Variants in AGTPBP1 observed in about 807,000 individuals in gnomAD.
AGTPBP1 encodes ATP/GTP binding carboxypeptidase 1.
AGTPBP1 carries 70 observed loss-of-function variants against 143.9 expected under a neutral mutation model. That is an observed-to-expected ratio of 0.49 (90% confidence interval 0.40 to 0.59). The LOEUF (loss-of-function observed/expected upper bound fraction) is 0.59. Ranked by LOEUF, AGTPBP1 falls within the 20% of genes least tolerant of loss-of-function variation. AGTPBP1 has a pLI of 0.00. For missense variants in AGTPBP1, 1,229 were observed against 1,464.5 expected (o/e 0.84, Z 2.62); for synonymous variants, 463 against 500.2 (o/e 0.93, Z 0.99).
chr9:85,586,909 TG>T lies in AGTPBP1; in HGVS notation c.2954del (p.Pro985GlnfsTer22), dbSNP rs1284103308. Reference sequence around the variant, plus strand: ...AAATTGTAGGATGTAAATCCGGACTTGGACTTTGCCACTGCCTATTCAAATC... The same window carrying T: ...AAATTGTAGGATGTAAATCCGGACTTGACTTTGCCACTGCCTATTCAAATC... Reference protein sequence around the residue: ...GEDLNRQWQSPSPDLHPTIYH... With the variant: ...GEDLNRQWQSXSPDLHPTIYH... On this transcript the variant is annotated frameshift_variant, in exon 22 of 26. Coordinates refer to ENST00000357081, the MANE Select transcript of AGTPBP1 (RefSeq NM_001330701.2). LOFTEE classifies it high-confidence loss of function. 1 of 1,614,078 alleles carries T rather than the reference TG, an allele frequency of 6.2e-7. No individual in the cohort carries two copies. Among genetic ancestry groups the T allele is most frequent in the Non-Finnish European group, 8.5e-7 (1 of 1,179,962 alleles).
the AGTPBP1 span, among the ~76,000 whole-genome samples, chr9:85,775,609 G>A: frequency 1.0e-4 from 15 of 148,426 alleles, 1 homozygote; most frequent in South Asian, 1.7e-3. Flanking sequence ...TAAATATAAA[G>A]GGGAGTTTAT....
intron 6 of AGTPBP1, 132 bp downstream of exon 6, chr9:85,677,304 T>C (rs575524019): frequency 7.5e-6 from 6 of 797,386 alleles, no homozygotes; most frequent in African/African-American, 1.8e-5. Context: ...CCCATAAACA[T>C]GTACAATTAT....
chr9:85,802,271 A>G, the AGTPBP1 span, among the ~76,000 whole-genome samples: 2 of 152,112 alleles, frequency 1.3e-5, no homozygotes, highest in South Asian at 4.1e-4. Flanking sequence ...CTCCTCTCAT[A>G]GCTTTACTTC....
Position 85,592,464 on chromosome 9 carries a change from T to C in AGTPBP1, c.2568+96A>G, listed in dbSNP as rs1367053930. The C allele has an allele frequency of 1.6e-5, 13 of 817,850 alleles. No individual in the cohort carries two copies. The Middle Eastern group carries it at 1.9e-3, about 121-fold the overall frequency. The allele number at this position is 817,850 out of a possible 1,614,324, so 50.7% of individuals were successfully genotyped here. ...AGAATATTTAACTAAACTCAATTAT[T>C]ATCATTATCCTTATGTTAGAATATT... is the stretch of plus-strand genomic sequence containing the variant. On this transcript the variant is annotated intron_variant, in intron 19 of 25. Coordinates refer to ENST00000357081, the MANE Select transcript of AGTPBP1 (RefSeq NM_001330701.2).
intron 3 of AGTPBP1, among the ~76,000 whole-genome samples, chr9:85,682,044 G>A (rs556960700): frequency 2.0e-5 from 3 of 151,466 alleles, no homozygotes; most frequent in African/African-American, 2.4e-5. Context: ...CACCATGCCC[G>A]ACCTGTATTA....
At chr9:85,782,298 G>A in the AGTPBP1 span, among the ~76,000 whole-genome samples, 7 of 152,206 alleles carry the variant, frequency 4.6e-5, no homozygotes, top group South Asian at 4.2e-4. Flanking sequence ...GTGGATCACC[G>A]GAGGGTAGGA....
At chr9:85,574,420 T>C (rs1827759228) in intron 25 of AGTPBP1, among the ~76,000 whole-genome samples, 2 of 145,316 alleles carry the variant, frequency 1.4e-5, no homozygotes, top group African/African-American at 5.2e-5. Flanking sequence ...TATTGTCCTA[T>C]GACCCTGCCA....
chr9:85,584,717 A>T (rs906392478), intron 23 of AGTPBP1, among the ~76,000 whole-genome samples: 1 of 152,184 alleles, frequency 6.6e-6, no homozygotes, highest in African/African-American at 2.4e-5. Context: ...TCAATGATCA[A>T]CTGGGGGCAG....
At position 85,718,926 on chromosome 9, in the gene AGTPBP1, A is replaced by C. The variant is rs561092455; in HGVS notation, c.-33-6360T>G. 5.3e-5 allele frequency among the ~76,000 whole-genome samples: 8 copies of C among 152,252 alleles called. No individual in the cohort carries two copies. The South Asian group carries it at 1.5e-3, about 28-fold the overall frequency. On this transcript the variant is annotated intron_variant, in intron 1 of 25. Transcript: ENST00000357081. Reference sequence around the variant, plus strand: ...CCCAACACCATTTATTAAATAGGGAATCCTTTCCCCATTGCTTGTTTTTGT... The same window carrying C: ...CCCAACACCATTTATTAAATAGGGACTCCTTTCCCCATTGCTTGTTTTTGT...
intron 12 of AGTPBP1, among the ~76,000 whole-genome samples, chr9:85,644,368 A>G (rs983287764): frequency 6.6e-6 from 1 of 151,830 alleles, no homozygotes; most frequent in Non-Finnish European, 1.5e-5. Flanking sequence ...TTCTCTAAAC[A>G]TACTAGTTCA....
At chr9:85,706,179 G>A (rs1208700319) in intron 2 of AGTPBP1, among the ~76,000 whole-genome samples, 2 of 151,638 alleles carry the variant, frequency 1.3e-5, no homozygotes, top group Non-Finnish European at 2.9e-5. Flanking sequence ...CTAAGAGAAG[G>A]AAGAAAAGGA....
At chr9:85,585,184 A>G (rs748590732) in intron 23 of AGTPBP1, among the ~76,000 whole-genome samples, 1 of 152,226 alleles carries the variant, frequency 6.6e-6, no homozygotes, top group Non-Finnish European at 1.5e-5. Flanking sequence ...TATGTAACAG[A>G]TGGCATCATC....
intron 1 of AGTPBP1, among the ~76,000 whole-genome samples, chr9:85,723,410 C>T (rs1393867581): frequency 1.3e-5 from 2 of 152,160 alleles, no homozygotes; most frequent in Non-Finnish European, 2.9e-5. Flanking sequence ...GGCGGACGCC[C>T]CTCCCCCACC....
the AGTPBP1 span, among the ~76,000 whole-genome samples, chr9:85,790,196 T>C: frequency 1.3e-5 from 2 of 152,178 alleles, no homozygotes; most frequent in Admixed American, 6.5e-5. Context: ...CCATTTGCAA[T>C]AAGCATCTCA....
chr9:85,747,228 G>A, the AGTPBP1 span, among the ~76,000 whole-genome samples: 1 of 152,118 alleles, frequency 6.6e-6, no homozygotes, highest in Non-Finnish European at 1.5e-5. Flanking sequence ...TATTCCATAG[G>A]TCTATATGTC....
At chr9:85,706,064 T>C (rs1836976182) in intron 2 of AGTPBP1, among the ~76,000 whole-genome samples, 1 of 151,616 alleles carries the variant, frequency 6.6e-6, no homozygotes, top group South Asian at 2.1e-4. Flanking sequence ...ACTAGATGTA[T>C]AGTATAAACC....
rs555721434 is a variant in AGTPBP1 at position 85,694,076 on chromosome 9, T to C, written c.33-1263A>G. ...AGGCATGGGAGAGAACAGAGAAAAA[T>C]AGCAGATTGCTTAGAGGCTTGTAGG... On this transcript the variant is annotated intron_variant, in intron 2 of 25. Coordinates refer to ENST00000357081, the MANE Select transcript of AGTPBP1 (RefSeq NM_001330701.2). Among the ~76,000 whole-genome samples the C allele has an allele frequency of 2.0e-3, 298 of 152,074 alleles. 2 individuals are homozygous for C. Among genetic ancestry groups the C allele is most frequent in the African/African-American group, 6.6e-3 (274 of 41,470 alleles).
At chr9:85,630,612 T>A (rs567934591) in intron 14 of AGTPBP1, among the ~76,000 whole-genome samples, 1 of 152,036 alleles carries the variant, frequency 6.6e-6, no homozygotes, top group South Asian at 2.1e-4. Context: ...CCTGAATAGT[T>A]TGGACTACAG....
intron 24 of AGTPBP1, among the ~76,000 whole-genome samples, chr9:85,575,773 T>G (rs887598242): frequency 3.9e-5 from 6 of 152,204 alleles, no homozygotes; most frequent in Non-Finnish European, 8.8e-5. Flanking sequence ...GTGACGTTAC[T>G]TGTAGAATTC....
Sources: allele counts gnomAD v4.1 joint callset (sites outside exome capture counted in the v4.1 genomes callset), GRCh38; gene constraint gnomAD v4.1.1; transcripts MANE v1.5; gene names NCBI Gene and HGNC (gene_info 2026-07-23, HGNC 2026-07-21).